Variants in TENM1 observed in about 807,000 individuals in gnomAD.
The protein encoded by TENM1 is teneurin-1.
A neutral mutation model predicts 174.8 loss-of-function variants in TENM1; 35 were observed. That is an observed-to-expected ratio of 0.20 (90% CI 0.15 to 0.27). The LOEUF (loss-of-function observed/expected upper bound fraction) is 0.27. Ranked by LOEUF, TENM1 falls within the 10% of genes least tolerant of loss-of-function variation. The probability of loss-of-function intolerance (pLI) is 1.00; values close to 1 mark genes in which losing one functional copy is unlikely to be tolerated. For synonymous variants in TENM1, 781 were observed against 798.7 expected (o/e 0.98, Z 0.37); for missense variants, 1,633 against 2,130.1 (o/e 0.77, Z 4.59).
the TENM1 span, among the ~76,000 whole-genome samples, chrX:125,093,564 T>C: frequency 9.0e-6 from 1 of 111,618 alleles, no homozygotes; most frequent in Non-Finnish European, 1.9e-5. Context: ...TTCATTGAAA[T>C]TTAATAACAT....
chrX:124,883,747 G>A (rs1216686505), intron 3 of TENM1, among the ~76,000 whole-genome samples: 3 of 111,911 alleles, frequency 2.7e-5, no homozygotes, highest in Non-Finnish European at 3.8e-5. Context: ...TGTAGGTGGT[G>A]CATGCTGACG....
chrX:125,005,407 T>TTGTG, the TENM1 span, among the ~76,000 whole-genome samples: 10,051 of 89,353 alleles, frequency 0.11, 711 homozygotes, highest in Admixed American at 0.29. Flanking sequence ...CCTGACTTGG[T>TTGTG]TGTGTGTGTG....
chrX:125,198,633 C>A, the TENM1 span, among the ~76,000 whole-genome samples: 1 of 111,592 alleles, frequency 9.0e-6, no homozygotes, highest in Admixed American at 9.6e-5. Context: ...TTATTTCTAG[C>A]AAATTCAATT....
chrX:124,761,062 T>C (rs1419865119), intron 3 of TENM1, among the ~76,000 whole-genome samples: 2 of 111,531 alleles, frequency 1.8e-5, no homozygotes, highest in Non-Finnish European at 3.8e-5. Flanking sequence ...CTGGAGAGGA[T>C]GTGGAGAAAT....
At chrX:124,707,073 C>G (rs1740637550) in intron 4 of TENM1, among the ~76,000 whole-genome samples, 1 of 110,246 alleles carries the variant, frequency 9.1e-6, no homozygotes, top group Admixed American at 9.7e-5. Context: ...GCCTGTAACT[C>G]CAGCTCACTG....
the TENM1 span, among the ~76,000 whole-genome samples, chrX:124,991,450 T>G: frequency 9.2e-6 from 1 of 109,283 alleles, no homozygotes; most frequent in Non-Finnish European, 1.9e-5. Context: ...TTTGTGAGTG[T>G]GAGTGGGATG....
intron 27 of TENM1, among the ~76,000 whole-genome samples, chrX:124,399,192 C>T (rs148670751): frequency 8.3e-4 from 93 of 112,117 alleles, no homozygotes; most frequent in African/African-American, 2.9e-3. Context: ...TGCTTACTAG[C>T]TGTGTGACCT....
chrX:124,844,959 T>C (rs888556709), intron 3 of TENM1, among the ~76,000 whole-genome samples: 115 of 111,361 alleles, frequency 1.0e-3, no homozygotes, highest in Non-Finnish European at 1.2e-3. Context: ...GGCCATGTAA[T>C]ATACAATTTC....
chrX:124,471,343 AATATATATT>A (rs1342336525), intron 22 of TENM1, among the ~76,000 whole-genome samples: 4 of 9,209 alleles, frequency 4.3e-4, no homozygotes, highest in African/African-American at 1.7e-3. Context: ...TACTATATAT[AATATATATT>A]ATAATATATA....
In TENM1 at chrX:124,581,544, T is replaced by C. The variant is rs143246633; in HGVS notation, c.2078-15984A>G. On this transcript the variant is annotated intron_variant, in intron 11 of 31. Coordinates refer to ENST00000422452, the Ensembl canonical transcript of TENM1. Reference sequence around the variant, plus strand: ...TGGTAGAACAATTTGTTTTCTTTTGTATATATCCCCAGTAATGGGACTGCT... The same window carrying C: ...TGGTAGAACAATTTGTTTTCTTTTGCATATATCCCCAGTAATGGGACTGCT... Among the ~76,000 whole-genome samples, 934 of 103,076 alleles carry C rather than the reference T, an allele frequency of 9.1e-3. 19 individuals carry two copies. The highest frequency in any genetic ancestry group is 0.071 in the Admixed American group (727 of 10,188). The allele number at this position is 103,076 out of a possible 115,157, so 89.5% of individuals were successfully genotyped here. A position where few individuals can be genotyped will look rare whatever the true frequency, so the allele number is the denominator to read the frequency against.
intron 21 of TENM1, among the ~76,000 whole-genome samples, chrX:124,482,189 G>A (rs1299604483): frequency 1.8e-5 from 2 of 110,168 alleles, no homozygotes; most frequent in African/African-American, 6.6e-5. Context: ...CTGACATTCC[G>A]ATACCATCCA....
At chrX:124,898,764 G>C (rs1437755039) in intron 1 of TENM1, among the ~76,000 whole-genome samples, 1 of 111,675 alleles carries the variant, frequency 9.0e-6, no homozygotes, top group Non-Finnish European at 1.9e-5. Flanking sequence ...ACATGGATTT[G>C]CTCCCTTCTA....
intron 1 of TENM1, among the ~76,000 whole-genome samples, chrX:124,911,711 T>C (rs761377568): frequency 9.0e-6 from 1 of 111,689 alleles, no homozygotes; most frequent in Non-Finnish European, 1.9e-5. Flanking sequence ...ACCAGTAAAG[T>C]GGGATGGAGC....
chrX:125,063,177 T>C, the TENM1 span, among the ~76,000 whole-genome samples: 2 of 112,098 alleles, frequency 1.8e-5, no homozygotes, highest in Admixed American at 9.5e-5. Context: ...AGGATAGAAC[T>C]ATGAGCCAAA....
At chrX:124,672,938 A>T (rs959932986) in intron 5 of TENM1, among the ~76,000 whole-genome samples, 1 of 112,221 alleles carries the variant, frequency 8.9e-6, no homozygotes, top group South Asian at 3.7e-4. Flanking sequence ...ACAGCATGGG[A>T]AGCTTACAGA....
rs372247626 is a variant in TENM1, at chrX:124,380,486, T to C, written c.*50A>G. ...AAAACCAATACAATAAACCATTTTATGTTTTAAAAACAGGCAGTCTTTGGT... is the reference window on the plus strand; with the variant it reads ...AAAACCAATACAATAAACCATTTTACGTTTTAAAAACAGGCAGTCTTTGGT... On this transcript the variant is annotated 3_prime_UTR_variant, in exon 32 of 32. Coordinates refer to ENST00000422452, the Ensembl canonical transcript of TENM1. The C allele has an allele frequency of 2.6e-5, 29 of 1,122,970 alleles. No homozygotes were observed. In the African/African-American group the frequency reaches 4.9e-4, roughly 19 times the overall value. The allele number at this position is 1,122,970 out of a possible 1,213,427, so 92.5% of individuals were successfully genotyped here. A position where few individuals can be genotyped will look rare whatever the true frequency, so the allele number is the denominator to read the frequency against.
chrX:124,856,078 T>C (rs908867147), intron 3 of TENM1, among the ~76,000 whole-genome samples: 3 of 110,925 alleles, frequency 2.7e-5, no homozygotes, highest in Non-Finnish European at 5.7e-5. Context: ...TATTATCATA[T>C]TGTGTCCTAT....
the TENM1 span, among the ~76,000 whole-genome samples, chrX:125,014,289 T>A: frequency 1.9e-4 from 21 of 112,649 alleles, no homozygotes; most frequent in Non-Finnish European, 3.9e-4. Flanking sequence ...GATATTATAA[T>A]GTAACAATTG....
the TENM1 span, among the ~76,000 whole-genome samples, chrX:125,172,401 C>T: frequency 1.8e-5 from 2 of 110,915 alleles, no homozygotes; most frequent in African/African-American, 6.6e-5. Flanking sequence ...GAATGTGGGC[C>T]ATCCTGCATT....
Sources: allele counts gnomAD v4.1 joint callset (sites outside exome capture counted in the v4.1 genomes callset), GRCh38; gene constraint gnomAD v4.1.1; transcripts MANE v1.5; gene names NCBI Gene and HGNC (gene_info 2026-07-23, HGNC 2026-07-21).